The following SNX19 variants were observed in gnomAD, a reference collection of about 807,000 sequenced individuals.
SNX19 encodes sorting nexin 19.
SNX19 carries 60 observed loss-of-function variants against 85.2 expected under a neutral mutation model. The ratio of observed to expected loss-of-function variants is 0.70; its 90% CI spans 0.57 to 0.87. The LOEUF (loss-of-function observed/expected upper bound fraction) is 0.87, where lower values mean the gene tolerates loss of function less well. Among genes scored for constraint, SNX19 ranks in the 40% least tolerant of loss-of-function variants. The pLI is 0.00. For missense variants in SNX19, 1,201 were observed against 1,217.8 expected (o/e 0.99, Z 0.21); for synonymous variants, 520 against 470.0 (o/e 1.11, Z -1.38).
At chr11:130,903,447 A>G (rs1945406829) in intron 7 of SNX19, 63 bp from the exon 8 acceptor site, 1 of 1,573,648 alleles carries the variant, frequency 6.4e-7, no homozygotes, top group Non-Finnish European at 8.6e-7. Context: ...AACATCTTTC[A>G]AGGTACTGGT....
rs759351752 is a variant in SNX19 at position 130,906,681 on chromosome 11, G to A, written c.2206C>T (p.Leu736=). The A allele has an allele frequency of 3.1e-6, 5 of 1,613,092 alleles. No individual in the cohort carries two copies. The East Asian group carries it at 1.1e-4, about 36-fold the overall frequency. ...RFSSSKISPA[L]SVTEAQDKIL... is the part of the protein sequence containing the mutation. The stretch of plus-strand genomic sequence containing the variant: ...TTGTCTTGTGCTTCAGTCACACTTA[G>A]TGCTGGAGAAATTTTACTGGATGAG... The change falls in exon 6 of 11, where the codon CTA becomes TTA. Residue 736 remains leucine, a synonymous_variant. Transcript: ENST00000265909.
At chr11:130,892,848 C>T (rs746236773) in intron 8 of SNX19, 5 of 152,214 alleles carry the variant, frequency 3.3e-5, no homozygotes, top group East Asian at 1.9e-4. Context: ...ATTCTCAGTC[C>T]CCAGGTAGTT....
intron 2 of SNX19, 119 bp downstream of exon 2, chr11:130,911,514 G>A: frequency 1.3e-6 from 2 of 1,530,940 alleles, no homozygotes; most frequent in Non-Finnish European, 1.8e-6. Flanking sequence ...GCAAATCCAG[G>A]GAGCAGAGAA....
At chr11:130,904,714 A>C (rs1945523522) in intron 7 of SNX19, among the ~76,000 whole-genome samples, 1 of 147,476 alleles carries the variant, frequency 6.8e-6, no homozygotes, top group African/African-American at 2.5e-5. Context: ...GTTTTTTATA[A>C]TCATATGAGC....
chr11:130,906,006 C>T lies in SNX19; in HGVS notation c.2390G>A (p.Ser797Asn). The T allele has an allele frequency of 6.2e-7, 1 of 1,614,222 alleles. No individual in the cohort carries two copies. Among genetic ancestry groups the T allele is most frequent in the Non-Finnish European group, 8.5e-7 (1 of 1,180,036 alleles). ...TGGCACGGCTGCATCTGACACGCAA[C>T]TGTCCACACGTCCTTTGGGAGGTTG... ...PEQPPKGRVDSCVSDAAVPAQ... is the reference protein window; with the variant it reads ...PEQPPKGRVDNCVSDAAVPAQ... The change falls in exon 7 of 11, where the codon AGT (serine) becomes AAT (asparagine). Residue 797 changes from serine to asparagine, a missense_variant. Ser to Asn is a conservative substitution (Grantham distance 46). Around this residue, in one of 3 missense-constraint regions of SNX19, gnomAD observed 285 missense variants for 295.3 expected, o/e 0.97. Coordinates refer to ENST00000265909, the MANE Select transcript of SNX19 (RefSeq NM_014758.3).
chr11:130,900,371 C>A (rs1305170955), intron 8 of SNX19, among the ~76,000 whole-genome samples: 1 of 152,192 alleles, frequency 6.6e-6, no homozygotes, highest in African/African-American at 2.4e-5. Context: ...AGAAGTCTCA[C>A]AGCCTCTGCT....
intron 8 of SNX19, among the ~76,000 whole-genome samples, chr11:130,902,230 T>C (rs1945306922): frequency 1.3e-5 from 2 of 152,204 alleles, no homozygotes; most frequent in African/African-American, 2.4e-5. Flanking sequence ...AAAAAGTACA[T>C]GTAAATGGAG....
At chr11:130,895,115 G>A in intron 8 of SNX19, 1 of 985,434 alleles carries the variant, frequency 1.0e-6, no homozygotes, top group Non-Finnish European at 1.2e-6. Context: ...GCTCGGTGGG[G>A]CTTCATACTG....
At chr11:130,902,239 A>G (rs1211594389) in intron 8 of SNX19, among the ~76,000 whole-genome samples, 1 of 152,218 alleles carries the variant, frequency 6.6e-6, no homozygotes, top group African/African-American at 2.4e-5. Flanking sequence ...ATGTAAATGG[A>G]GATTGGGCGC....
At chr11:130,891,764 G>T (rs181553954) in intron 8 of SNX19, among the ~76,000 whole-genome samples, 39 of 152,116 alleles carry the variant, frequency 2.6e-4, no homozygotes, top group Non-Finnish European at 4.6e-4. Flanking sequence ...GGATAAATAA[G>T]ACTGATTGTA....
Position 130,914,882 on chromosome 11 carries a change from G to C in SNX19, c.1058C>G (p.Ser353Ter). Residue 353 changes from serine (S) to a stop codon, truncating the protein, a stop_gained, in exon 1 of 11, where the codon TCA becomes TGA. Transcript: ENST00000265909. LOFTEE classifies it high-confidence loss of function. ...MCEERKVGNN[S>*]SHFLQPNVRG... ...AACATTTGGCTGTAGGAAATGAGATGAGTTGTTTCCTACTTTTCTTTCTTC... is the reference window on the plus strand; with the variant it reads ...AACATTTGGCTGTAGGAAATGAGATCAGTTGTTTCCTACTTTTCTTTCTTC... The C allele has an allele frequency of 6.2e-7, 1 of 1,614,212 alleles. No individual in the cohort carries two copies. Among genetic ancestry groups the C allele is most frequent in the Non-Finnish European group, 8.5e-7 (1 of 1,180,028 alleles).
intron 7 of SNX19, among the ~76,000 whole-genome samples, chr11:130,903,950 T>C (rs573956605): frequency 1.7e-4 from 26 of 152,178 alleles, no homozygotes; most frequent in African/African-American, 6.3e-4. Context: ...TGGCATTCAC[T>C]TTCCTGAAAA....
rs1015944046 is a variant in SNX19 at position 130,903,200 on chromosome 11, T to A, written c.2573+55A>T. ...TCCCTGGACACTATTCAGCATCACA[T>A]CCACCTTCTCTGCAACTTGAGATTC... On this transcript the variant is annotated intron_variant, in intron 8 of 10. Coordinates refer to ENST00000265909, the MANE Select transcript of SNX19 (RefSeq NM_014758.3). 2.5e-6 allele frequency: 4 copies of A among 1,608,110 alleles called. No homozygotes were observed. In the African/African-American group the frequency reaches 5.3e-5, roughly 21 times the overall value.
At chr11:130,903,102 T>A (rs940942077) in intron 8 of SNX19, 153 bp downstream of exon 8, 2 of 1,054,964 alleles carry the variant, frequency 1.9e-6, no homozygotes. Flanking sequence ...AAAAGCTTTC[T>A]GATACTCTCA....
chr11:130,901,014 T>C (rs966942848), intron 8 of SNX19, among the ~76,000 whole-genome samples: 6 of 152,176 alleles, frequency 3.9e-5, no homozygotes, highest in African/African-American at 1.4e-4. Flanking sequence ...CTAGTTCCGG[T>C]CCTTAAAGAA....
In SNX19 at chr11:130,870,137, A is replaced by G. The variant is rs1385053199; in HGVS notation, c.*8285T>C. The G allele has an allele frequency of 1.3e-5, 2 of 152,178 alleles. No homozygotes were observed. The highest frequency in any genetic ancestry group is 2.9e-5 in the Non-Finnish European group (2 of 68,024). 9.4% of individuals were successfully genotyped at this position (152,178 alleles called of 1,614,324 possible). On this transcript the variant is annotated 3_prime_UTR_variant, in exon 11 of 11. Coordinates refer to ENST00000265909, the MANE Select transcript of SNX19 (RefSeq NM_014758.3). Reference sequence around the variant, plus strand: ...CACAGAAATCCTAATCCTATTAAAAACTTAGGTCATTCCACCCCAACAGTA... The same window carrying G: ...CACAGAAATCCTAATCCTATTAAAAGCTTAGGTCATTCCACCCCAACAGTA...
intron 8 of SNX19, among the ~76,000 whole-genome samples, chr11:130,891,991 C>T (rs1445791435): frequency 6.6e-6 from 1 of 151,728 alleles, no homozygotes; most frequent in East Asian, 1.9e-4. Context: ...AGGGCATGCG[C>T]CACGATGCCC....
At chr11:130,904,442 T>C (rs1342271378) in intron 7 of SNX19, among the ~76,000 whole-genome samples, 3 of 152,192 alleles carry the variant, frequency 2.0e-5, no homozygotes, top group African/African-American at 4.8e-5. Context: ...ATAATACATA[T>C]TTTCTTTTCT....
At position 130,903,373 on chromosome 11, in the gene SNX19, CTG is replaced by C. The variant is rs755036360; in HGVS notation, c.2453_2454del (p.Thr818ArgfsTer4). On this transcript the variant is annotated frameshift_variant, in exon 8 of 11. Transcript: ENST00000265909. LOFTEE classifies it high-confidence loss of function. ...DPSNSDPGTE[T>X]ELADTALDLL... ...AGATCCAGGGCTGTGTCAGCTAACTCTGTCTCTGTTCCTGAGGGATAAAATGG... is the reference window on the plus strand; with the variant it reads ...AGATCCAGGGCTGTGTCAGCTAACTCTCTCTGTTCCTGAGGGATAAAATGG... 1.2e-6 allele frequency: 2 copies of C among 1,612,502 alleles called. No individual in the cohort carries two copies. The highest frequency in any genetic ancestry group is 4.5e-5 in the East Asian group (2 of 44,858).
Sources: gnomAD v4.1 joint callset for allele counts (sites outside exome capture counted in the v4.1 genomes callset) on GRCh38, gnomAD v4.1.1 for gene constraint, gnomAD v4.1.1 regional missense constraint, MANE v1.5 for transcripts, NCBI Gene and HGNC (gene_info 2026-07-23, HGNC 2026-07-21) for gene names.